CDH12: variants seen among roughly 807,000 people sequenced by gnomAD.
The protein encoded by CDH12 is cadherin-12.
Under a neutral mutation model 74.1 loss-of-function variants are expected in CDH12, and 41 were observed. That is an observed-to-expected ratio of 0.55 (90% CI 0.43 to 0.72). The LOEUF (loss-of-function observed/expected upper bound fraction) is 0.72, where lower values mean the gene tolerates loss of function less well. Ranked by LOEUF, CDH12 falls within the 30% of genes least tolerant of loss-of-function variation. The pLI, the probability that CDH12 is intolerant of heterozygous loss-of-function variation, is 0.00. For missense variants in CDH12, 945 were observed against 977.2 expected (o/e 0.97, Z 0.44); for synonymous variants, 399 against 355.0 (o/e 1.12, Z -1.39).
chr5:21,951,170 A>G (rs1755842163), intron 6 of CDH12, among the ~76,000 whole-genome samples: 1 of 152,130 alleles, frequency 6.6e-6, no homozygotes, highest in Admixed American at 6.5e-5. Flanking sequence ...AAGAAATAAC[A>G]TTGTTTTCAA....
At chr5:21,855,206 T>G (rs1750691692) in intron 6 of CDH12, among the ~76,000 whole-genome samples, 1 of 151,768 alleles carries the variant, frequency 6.6e-6, no homozygotes, top group Non-Finnish European at 1.5e-5. Flanking sequence ...GTTAAGTAAT[T>G]TGCAATTGCA....
At chr5:22,240,558 G>A (rs918212554) in intron 3 of CDH12, among the ~76,000 whole-genome samples, 55 of 152,190 alleles carry the variant, frequency 3.6e-4, no homozygotes, top group African/African-American at 1.3e-3. Flanking sequence ...TTTAGAGACA[G>A]AATCTCGTTC....
intron 1 of CDH12, among the ~76,000 whole-genome samples, chr5:22,839,130 GA>G (rs1424200443): frequency 2.6e-5 from 4 of 152,058 alleles, no homozygotes; most frequent in Admixed American, 6.6e-5. Flanking sequence ...ATGTAGCATA[GA>G]TTTTTTTGTA....
intron 6 of CDH12, among the ~76,000 whole-genome samples, chr5:21,926,356 C>T (rs1754583434): frequency 6.6e-6 from 1 of 152,192 alleles, no homozygotes; most frequent in Non-Finnish European, 1.5e-5. Context: ...TTCCCCATTT[C>T]CTAGACATTG....
intron 6 of CDH12, among the ~76,000 whole-genome samples, chr5:21,948,590 A>G (rs550482651): frequency 1.1e-3 from 163 of 152,080 alleles, no homozygotes; most frequent in African/African-American, 3.8e-3. Context: ...GTCTCAGATG[A>G]GACTTTGAAC....
At chr5:22,073,415 C>T (rs1742091074) in intron 5 of CDH12, among the ~76,000 whole-genome samples, 1 of 152,120 alleles carries the variant, frequency 6.6e-6, no homozygotes, top group South Asian at 2.1e-4. Flanking sequence ...TACAGGCTTG[C>T]AATTATCCAT....
chr5:22,767,040 C>T (rs1211756467), intron 1 of CDH12, among the ~76,000 whole-genome samples: 6 of 151,918 alleles, frequency 3.9e-5, no homozygotes, highest in Non-Finnish European at 8.8e-5. Context: ...AATTTCAGAA[C>T]ACACTTATAT....
At chr5:22,480,667 C>A in intron 2 of CDH12, among the ~76,000 whole-genome samples, 1 of 151,944 alleles carries the variant, frequency 6.6e-6, no homozygotes, top group East Asian at 1.9e-4. Flanking sequence ...ACAATCTTAA[C>A]CCTAACAGAA....
intron 2 of CDH12, among the ~76,000 whole-genome samples, chr5:22,411,065 T>C (rs1266084417): frequency 1.3e-5 from 2 of 152,022 alleles, no homozygotes; most frequent in East Asian, 3.9e-4. Flanking sequence ...TTGACACCTC[T>C]GATTGTAAAG....
At chr5:22,403,888 CCAT>C (rs905242074) in intron 3 of CDH12, among the ~76,000 whole-genome samples, 1 of 151,952 alleles carries the variant, frequency 6.6e-6, no homozygotes, top group African/African-American at 2.4e-5. Context: ...TTTAAAATGA[CCAT>C]CATTACACAA....
intron 1 of CDH12, among the ~76,000 whole-genome samples, chr5:22,784,751 T>C (rs1173451645): frequency 1.3e-5 from 2 of 152,178 alleles, no homozygotes; most frequent in African/African-American, 4.8e-5. Context: ...CCCAGAGACA[T>C]TGGCAGGCAG....
chr5:22,337,246 G>A (rs1428142952), intron 3 of CDH12, among the ~76,000 whole-genome samples: 2 of 152,152 alleles, frequency 1.3e-5, no homozygotes, highest in Non-Finnish European at 1.5e-5. Flanking sequence ...TAGGCAGAAG[G>A]GACACGCCTT....
At chr5:22,256,970 A>G (rs1157999673) in intron 3 of CDH12, among the ~76,000 whole-genome samples, 1 of 152,206 alleles carries the variant, frequency 6.6e-6, no homozygotes, top group Non-Finnish European at 1.5e-5. Context: ...CTACATATAC[A>G]TCATGAAATA....
intron 1 of CDH12, among the ~76,000 whole-genome samples, chr5:22,841,664 A>C (rs570419298): frequency 3.9e-5 from 6 of 152,256 alleles, no homozygotes; most frequent in Non-Finnish European, 5.9e-5. Context: ...AGCAACTGGA[A>C]CTGAGAAGGA....
intron 3 of CDH12, among the ~76,000 whole-genome samples, chr5:22,393,077 A>G (rs1742313215): frequency 6.6e-6 from 1 of 152,182 alleles, no homozygotes; most frequent in Non-Finnish European, 1.5e-5. Flanking sequence ...GTCACTTCTT[A>G]GGGAAAACGT....
At chr5:21,871,852 C>G (rs1751641322) in intron 6 of CDH12, among the ~76,000 whole-genome samples, 1 of 152,082 alleles carries the variant, frequency 6.6e-6, no homozygotes, top group South Asian at 2.1e-4. Context: ...AACTCTCACC[C>G]CTGAATATTC....
intron 1 of CDH12, among the ~76,000 whole-genome samples, chr5:22,715,482 C>CA (rs1394345393): frequency 1.3e-5 from 2 of 152,126 alleles, no homozygotes; most frequent in African/African-American, 4.8e-5. Flanking sequence ...GTTTGAGCAG[C>CA]AGATGGAAAG....
intron 6 of CDH12, among the ~76,000 whole-genome samples, chr5:21,924,187 A>C (rs1210678165): frequency 2.0e-5 from 3 of 152,178 alleles, no homozygotes; most frequent in African/African-American, 4.8e-5. Flanking sequence ...TTGTGAGAGA[A>C]ACAGCAAGGT....
intron 2 of CDH12, among the ~76,000 whole-genome samples, chr5:22,482,998 C>G (rs1406140462): frequency 6.6e-6 from 1 of 152,146 alleles, no homozygotes; most frequent in Non-Finnish European, 1.5e-5. Context: ...AAAAAATTAT[C>G]TAGTGACTTT....
Sources: gnomAD v4.1 joint callset for allele counts (sites outside exome capture counted in the v4.1 genomes callset) on GRCh38, gnomAD v4.1.1 for gene constraint, MANE v1.5 for transcripts, NCBI Gene and HGNC (gene_info 2026-07-23, HGNC 2026-07-21) for gene names.